The following PGR variants were observed in gnomAD, a reference collection of about 807,000 sequenced individuals.
The protein encoded by PGR is progesterone receptor, also known as nuclear receptor subfamily 3 group C member 3.
Under a neutral mutation model 76.1 loss-of-function variants are expected in PGR, and 25 were observed. That is an observed-to-expected ratio of 0.33 (90% CI 0.24 to 0.46). The LOEUF is 0.46. PGR is among the 20% of genes least tolerant of loss of function. PGR has a pLI of 1.00. For synonymous variants in PGR, 579 were observed against 535.0 expected, an observed-to-expected ratio of 1.08 and a Z score of -1.14; for missense variants, 1,172 against 1,225.3, an observed-to-expected ratio of 0.96 and a Z score of 0.65.
At chr11:101,073,829 G>C (rs573675181) in intron 3 of PGR, among the ~76,000 whole-genome samples, 24 of 152,192 alleles carry the variant, frequency 1.6e-4, no homozygotes, top group African/African-American at 5.8e-4. Context: ...TGAAATTGAG[G>C]CAGTAATTAA....
At chr11:101,102,127 A>G (rs1019623280) in intron 2 of PGR, among the ~76,000 whole-genome samples, 8 of 152,234 alleles carry the variant, frequency 5.3e-5, no homozygotes, top group Admixed American at 3.3e-4. Context: ...ATCTTTTTAG[A>G]TTAAAGAAAA....
In PGR at chr11:101,127,626, G is replaced by C. The variant is rs1862900765; in HGVS notation, c.1445C>G (p.Ala482Gly). 3 of 1,334,144 alleles carry C rather than the reference G, an allele frequency of 2.2e-6. No homozygotes were observed. The highest frequency in any genetic ancestry group is 1.9e-6 in the Non-Finnish European group (2 of 1,051,328). The allele number at this position is 1,334,144 out of a possible 1,614,324, so 82.6% of individuals were successfully genotyped here. A position where few individuals can be genotyped will look rare whatever the true frequency, so the allele number is the denominator to read the frequency against. ...GAGCAGGCAGCCGCTCGCGCCCGGCGCCTTGCAGGGCGGCGGCGCGAACGG... is the reference window on the plus strand; with the variant it reads ...GAGCAGGCAGCCGCTCGCGCCCGGCCCCTTGCAGGGCGGCGGCGCGAACGG... ...QGPFAPPPCK[A>G]PGASGCLLPR... Residue 482 changes from alanine (A) to glycine (G), a missense_variant, in exon 1 of 8, where the codon GCG (alanine) becomes GGG (glycine). Transcript: ENST00000325455.
intron 2 of PGR, among the ~76,000 whole-genome samples, chr11:101,106,292 C>A (rs960032462): frequency 2.6e-5 from 4 of 152,122 alleles, no homozygotes; most frequent in Non-Finnish European, 5.9e-5. Flanking sequence ...GAACAGGCAA[C>A]CTACAGAATG....
At chr11:101,061,268 G>T (rs1246041960) in intron 4 of PGR, among the ~76,000 whole-genome samples, 1 of 152,050 alleles carries the variant, frequency 6.6e-6, no homozygotes, top group Admixed American at 6.6e-5. Context: ...TCTGTTTAAG[G>T]CCTTTTGGTG....
chr11:101,066,474 T>C (rs1860721135), intron 3 of PGR, among the ~76,000 whole-genome samples: 1 of 152,222 alleles, frequency 6.6e-6, no homozygotes, highest in Non-Finnish European at 1.5e-5. Flanking sequence ...ATCTATGCTC[T>C]TTCTAGGTGT....
chr11:101,031,780 C>T lies in PGR; in HGVS notation c.*7336G>A, dbSNP rs1413257134. On this transcript the variant is annotated 3_prime_UTR_variant, in exon 8 of 8. Transcript: ENST00000325455. ...ATCCCAGATAAGGCTTTTTAAAAGC[C>T]GAGCCCAGCCATGGATTCATACCAT... 1.3e-5 allele frequency: 3 copies of T among 227,748 alleles called. No individual in the cohort carries two copies. The highest frequency in any genetic ancestry group is 5.7e-5 in the Admixed American group (1 of 17,586). The allele number at this position is 227,748 out of a possible 1,614,324, so 14.1% of individuals were successfully genotyped here.
chr11:101,049,005 C>T (rs1859991730), intron 6 of PGR, among the ~76,000 whole-genome samples: 1 of 152,076 alleles, frequency 6.6e-6, no homozygotes, highest in African/African-American at 2.4e-5. Flanking sequence ...CTCAGCCTCC[C>T]AAGTAGTGGG....
intron 6 of PGR, among the ~76,000 whole-genome samples, chr11:101,044,700 C>CTTT (rs34361620): frequency 3.3e-4 from 25 of 75,848 alleles, no homozygotes; most frequent in South Asian, 6.5e-4. Flanking sequence ...GGCCTAATTG[C>CTTT]TTTTTTTTTT....
Position 101,033,273 on chromosome 11 carries a change from C to A in PGR, c.*5843G>T, listed in dbSNP as rs1010885957. The A allele has an allele frequency of 4.8e-6, 1 of 206,668 alleles. No homozygotes were observed. The highest frequency in any genetic ancestry group is 9.9e-6 in the Non-Finnish European group (1 of 101,238). 12.8% of individuals were successfully genotyped at this position (206,668 alleles called of 1,614,324 possible). A position where few individuals can be genotyped will look rare whatever the true frequency, so the allele number is the denominator to read the frequency against. On this transcript the variant is annotated 3_prime_UTR_variant, in exon 8 of 8. Transcript: ENST00000325455. ...TTTAGGCAAATTCTGGAAAGTATTT[C>A]TACCTTATGGAGAACAAGCAGAGCC... is the stretch of plus-strand genomic sequence containing the variant.
intron 2 of PGR, among the ~76,000 whole-genome samples, chr11:101,096,765 C>G (rs1454777281): frequency 6.6e-6 from 1 of 152,202 alleles, no homozygotes; most frequent in Non-Finnish European, 1.5e-5. Flanking sequence ...TAGATCCACT[C>G]ACTCACTCAT....
chr11:101,093,184 G>A (rs747995186), intron 2 of PGR, among the ~76,000 whole-genome samples: 4 of 152,110 alleles, frequency 2.6e-5, no homozygotes, highest in Admixed American at 2.6e-4. Flanking sequence ...AGAGTCCCAG[G>A]AATTAAGCCT....
chr11:101,043,122 A>G lies in PGR; in HGVS notation c.2489-1020T>C, dbSNP rs12275716. On this transcript the variant is annotated intron_variant, in intron 6 of 7. Transcript: ENST00000325455. ...AATGCTAGCAGTTTGATGGCAATTT[A>G]CCCACAATAGAACTTCTTTCATAAT... is the stretch of plus-strand genomic sequence containing the variant. Among the ~76,000 whole-genome samples, 543 of 152,232 alleles carry G rather than the reference A, an allele frequency of 3.6e-3. 3 individuals are homozygous for G. The highest frequency in any genetic ancestry group is 0.012 in the African/African-American group (517 of 41,574).
chr11:101,077,625 A>C (rs1004319358), intron 3 of PGR, among the ~76,000 whole-genome samples: 2 of 152,200 alleles, frequency 1.3e-5, no homozygotes, highest in African/African-American at 4.8e-5. Flanking sequence ...TCTAGTTGGC[A>C]AACCATAAAA....
rs147323250 is a variant in PGR at position 101,115,056 on chromosome 11, C to T, written c.1789+10951G>A. Among the ~76,000 whole-genome samples, 544 of 152,134 alleles carry T rather than the reference C, an allele frequency of 3.6e-3. 4 individuals are homozygous for T. The highest frequency in any genetic ancestry group is 0.012 in the African/African-American group (515 of 41,492). On this transcript the variant is annotated intron_variant, in intron 2 of 7. Coordinates refer to ENST00000325455, the MANE Select transcript of PGR (RefSeq NM_000926.4). The stretch of plus-strand genomic sequence containing the variant: ...TTTTTTGGGGGTGGGAATAAGGGGT[C>T]ACTGATCTCTTTCAAAACCTCATGA...
Position 101,038,920 on chromosome 11 carries a change from AC to A in PGR, c.*195del, listed in dbSNP as rs1323095810. 2 of 491,396 alleles carry A rather than the reference AC, an allele frequency of 4.1e-6. No homozygotes were observed. Among genetic ancestry groups the A allele is most frequent in the Admixed American group, 7.3e-5 (2 of 27,224 alleles). 30.4% of individuals were successfully genotyped at this position (491,396 alleles called of 1,614,324 possible). A position where few individuals can be genotyped will look rare whatever the true frequency, so the allele number is the denominator to read the frequency against. ...CTTCAAGAAAATATGGGTAAACAAAACAGTTAAACATTCTAATTATACTTTA... is the reference window on the plus strand; with the variant it reads ...CTTCAAGAAAATATGGGTAAACAAAAAGTTAAACATTCTAATTATACTTTA... On this transcript the variant is annotated 3_prime_UTR_variant, in exon 8 of 8. Coordinates refer to ENST00000325455, the MANE Select transcript of PGR (RefSeq NM_000926.4).
At chr11:101,083,137 G>A (rs1409209479) in intron 3 of PGR, among the ~76,000 whole-genome samples, 1 of 152,226 alleles carries the variant, frequency 6.6e-6, no homozygotes, top group Non-Finnish European at 1.5e-5. Flanking sequence ...TTGCTAAAAG[G>A]GGCCAAGGTA....
intron 2 of PGR, among the ~76,000 whole-genome samples, chr11:101,103,227 A>G (rs1164108448): frequency 1.3e-5 from 2 of 152,172 alleles, no homozygotes; most frequent in Middle Eastern, 3.4e-3. Context: ...TAGGTTGGGG[A>G]CCCCTGCCCT....
intron 3 of PGR, among the ~76,000 whole-genome samples, chr11:101,067,582 A>G (rs545213902): frequency 2.0e-4 from 30 of 152,260 alleles, no homozygotes; most frequent in South Asian, 4.1e-4. Context: ...TATTACAGTC[A>G]GAAATTTCAT....
At chr11:101,085,405 A>G (rs953637326) in intron 3 of PGR, among the ~76,000 whole-genome samples, 22 of 151,884 alleles carry the variant, frequency 1.4e-4, no homozygotes, top group Admixed American at 1.4e-3. Context: ...GACACAACAT[A>G]CCAAAATCTC....
Sources: allele counts gnomAD v4.1 joint callset (sites outside exome capture counted in the v4.1 genomes callset), GRCh38; gene constraint gnomAD v4.1.1; transcripts MANE v1.5; gene names NCBI Gene and HGNC (gene_info 2026-07-23, HGNC 2026-07-21).